The following RAPGEF5 variants were observed in gnomAD, a reference collection of about 807,000 sequenced individuals.
RAPGEF5 encodes M-Ras-regulated GEF.
In RAPGEF5, 65 loss-of-function variants were observed where a neutral mutation model predicts 125.2. That is an observed-to-expected ratio of 0.52 (90% confidence interval 0.43 to 0.64). The LOEUF (loss-of-function observed/expected upper bound fraction) is 0.64, where lower values mean the gene tolerates loss of function less well. Ranked by LOEUF, RAPGEF5 falls within the 30% of genes least tolerant of loss-of-function variation. The pLI is 0.00. For synonymous variants in RAPGEF5, 391 were observed against 385.9 expected (o/e 1.01, Z -0.16); for missense variants, 958 against 1,048.1 (o/e 0.91, Z 1.19).
chr7:22,293,096 T>G (rs1167790396), intron 5 of RAPGEF5, among the ~76,000 whole-genome samples: 1 of 152,126 alleles, frequency 6.6e-6, no homozygotes, highest in African/African-American at 2.4e-5. Context: ...AGAGTGATGA[T>G]CTCCCAAGAG....
At chr7:22,236,518 G>A (rs1786194014) in intron 7 of RAPGEF5, among the ~76,000 whole-genome samples, 1 of 152,180 alleles carries the variant, frequency 6.6e-6, no homozygotes, top group South Asian at 2.1e-4. Flanking sequence ...TTTCAGTTTA[G>A]ATCACCACCA....
At chr7:22,182,388 T>C (rs1784701414) in intron 11 of RAPGEF5, among the ~76,000 whole-genome samples, 1 of 152,200 alleles carries the variant, frequency 6.6e-6, no homozygotes, top group African/African-American at 2.4e-5. Flanking sequence ...CTAAAATTAC[T>C]AGGTTGTCAA....
rs1783054875 is a variant in RAPGEF5 at position 22,135,568 on chromosome 7, C to T, written c.2416+470G>A. On this transcript the variant is annotated intron_variant, in intron 23 of 25. Transcript: ENST00000665637. ...GAAGAAAGGAAGTACACTTCTCCAT[C>T]AACACTTTTCGAAAGCTATATTACT... Among the ~76,000 whole-genome samples, 6 of 152,322 alleles carry T rather than the reference C, an allele frequency of 3.9e-5. No individual in the cohort carries two copies. In the South Asian group the frequency reaches 1.2e-3, roughly 32 times the overall value.
rs369030719 is a variant in RAPGEF5 at position 22,161,537 on chromosome 7, AACACACACACACACACACAC to A, written c.1428+840_1428+859del. 1.4e-3 allele frequency among the ~76,000 whole-genome samples: 187 copies of A among 136,116 alleles called. No homozygotes were observed. The South Asian group carries it at 0.014, about 10-fold the overall frequency. The allele number at this position is 136,116 out of a possible 152,430, so 89.3% of individuals were successfully genotyped here. A position where few individuals can be genotyped will look rare whatever the true frequency, so the allele number is the denominator to read the frequency against. Reference sequence around the variant, plus strand: ...GGGTAGCAGAGCAAGACCCTGTCTCAACACACACACACACACACACACACACACACACACACACACACACA... The same window carrying A: ...GGGTAGCAGAGCAAGACCCTGTCTCAACACACACACACACACACACACACA... On this transcript the variant is annotated intron_variant, in intron 13 of 25. Coordinates refer to ENST00000665637, the MANE Select transcript of RAPGEF5 (RefSeq NM_012294.5).
chr7:22,225,789 A>G (rs1436983629), intron 8 of RAPGEF5, among the ~76,000 whole-genome samples: 2 of 152,236 alleles, frequency 1.3e-5, no homozygotes, highest in Non-Finnish European at 2.9e-5. Flanking sequence ...AGATTAATGT[A>G]TAACTGTCAG....
intron 20 of RAPGEF5, 50 bp downstream of exon 20, chr7:22,144,994 A>G (rs1189030037): frequency 6.4e-7 from 1 of 1,558,090 alleles, no homozygotes; most frequent in Non-Finnish European, 8.7e-7. Context: ...AGAACAATGT[A>G]CTCTCTCAAG....
intron 5 of RAPGEF5, among the ~76,000 whole-genome samples, chr7:22,304,013 T>C (rs10242605): frequency 0.25 from 37,567 of 151,916 alleles, 4,697 homozygotes; most frequent in Non-Finnish European, 0.26. Flanking sequence ...TGTGCAACCA[T>C]AGAAAGTACT....
intron 11 of RAPGEF5, among the ~76,000 whole-genome samples, chr7:22,190,020 G>A (rs1464350651): frequency 2.0e-5 from 3 of 152,090 alleles, no homozygotes; most frequent in Non-Finnish European, 4.4e-5. Flanking sequence ...AGTGGCTCAC[G>A]CATGTAATCC....
At chr7:22,339,809 A>C (rs994639920) in intron 1 of RAPGEF5, among the ~76,000 whole-genome samples, 1 of 152,212 alleles carries the variant, frequency 6.6e-6, no homozygotes, top group African/African-American at 2.4e-5. Flanking sequence ...CCTGAGCAAT[A>C]CCTTCTCATA....
At chr7:22,174,977 A>G (rs1784461130) in intron 11 of RAPGEF5, among the ~76,000 whole-genome samples, 1 of 152,306 alleles carries the variant, frequency 6.6e-6, no homozygotes, top group Non-Finnish European at 1.5e-5. Flanking sequence ...GGCCAACATG[A>G]TTTCTCAGAA....
chr7:22,197,377 G>A (rs960354146), intron 9 of RAPGEF5, among the ~76,000 whole-genome samples: 1 of 152,172 alleles, frequency 6.6e-6, no homozygotes, highest in East Asian at 1.9e-4. Flanking sequence ...TTGACACTAC[G>A]ACACTCAAGA....
Position 22,122,412 on chromosome 7 carries a change from C to A in RAPGEF5, c.2646G>T (p.Arg882=). 1 of 1,612,610 alleles carries A rather than the reference C, an allele frequency of 6.2e-7. No individual in the cohort carries two copies. Among genetic ancestry groups the A allele is most frequent in the Non-Finnish European group, 8.5e-7 (1 of 1,178,944 alleles). Residue 882 remains arginine (R), a synonymous_variant, in exon 26 of 26, where the codon CGG becomes CGT. Transcript: ENST00000665637. ...LFELSHRIEP[R]V ...GGAGGTGAGGCAGTGGGGCTCACAC[C>A]CGAGGCTCGATCCTGTGTGAGAGCT...
intron 25 of RAPGEF5, 143 bp from the exon 26 acceptor site, chr7:22,122,664 C>CT: frequency 1.6e-6 from 1 of 616,966 alleles, no homozygotes; most frequent in Non-Finnish European, 2.9e-6. Context: ...TGTCCTTGTC[C>CT]TACAGTAGAA....
intron 5 of RAPGEF5, among the ~76,000 whole-genome samples, chr7:22,296,494 C>A (rs1376700598): frequency 6.6e-6 from 1 of 152,140 alleles, no homozygotes. Context: ...TTAACTTCAG[C>A]AGGACCAAAA....
chr7:22,250,531 C>T (rs1786592526), intron 7 of RAPGEF5, among the ~76,000 whole-genome samples: 1 of 152,156 alleles, frequency 6.6e-6, no homozygotes, highest in Non-Finnish European at 1.5e-5. Context: ...GTTCCATTTG[C>T]ATGTCTGTTT....
At chr7:22,128,523 G>A (rs1222133282) in intron 24 of RAPGEF5, among the ~76,000 whole-genome samples, 2 of 152,204 alleles carry the variant, frequency 1.3e-5, no homozygotes, top group Non-Finnish European at 2.9e-5. Context: ...AGATGATCCT[G>A]TTTTACCTTT....
At chr7:22,216,104 C>T (rs1470586398) in intron 9 of RAPGEF5, among the ~76,000 whole-genome samples, 1 of 152,184 alleles carries the variant, frequency 6.6e-6, no homozygotes, top group Non-Finnish European at 1.5e-5. Context: ...CACATTTACT[C>T]CCTCCTCAGT....
chr7:22,125,361 C>T (rs984417154), intron 25 of RAPGEF5: 31 of 413,776 alleles, frequency 7.5e-5, no homozygotes, highest in Non-Finnish European at 1.2e-4. Context: ...TGTAAAGTCA[C>T]TCTTCACAGC....
intron 21 of RAPGEF5, among the ~76,000 whole-genome samples, chr7:22,139,224 G>A (rs964670136): frequency 6.6e-6 from 1 of 152,158 alleles, no homozygotes; most frequent in Non-Finnish European, 1.5e-5. Flanking sequence ...AGGACTGTGA[G>A]GGAGGCTGAG....
Sources: gnomAD v4.1 joint callset for allele counts (sites outside exome capture counted in the v4.1 genomes callset) on GRCh38, gnomAD v4.1.1 for gene constraint, MANE v1.5 for transcripts, NCBI Gene and HGNC (gene_info 2026-07-23, HGNC 2026-07-21) for gene names.